The following LHFPL6 variants were observed in gnomAD, a reference collection of about 807,000 sequenced individuals.
LHFPL6 encodes the protein LHFPL tetraspan subfamily member 6 protein.
In LHFPL6, 9 loss-of-function variants were observed where a neutral mutation model predicts 20.6. The ratio of observed to expected loss-of-function variants is 0.44; its 90% CI spans 0.26 to 0.76. The LOEUF is 0.76. Ranked by LOEUF, LHFPL6 falls within the 30% of genes least tolerant of loss-of-function variation. The pLI, the probability that LHFPL6 is intolerant of heterozygous loss-of-function variation, is 0.20. For missense variants in LHFPL6, 218 were observed against 253.5 expected, an observed-to-expected ratio of 0.86 and a Z score of 0.95; for synonymous variants, 105 against 98.7, an observed-to-expected ratio of 1.06 and a Z score of -0.38.
intron 2 of LHFPL6, among the ~76,000 whole-genome samples, chr13:39,399,892 G>A (rs868136312): frequency 1.3e-5 from 2 of 152,100 alleles, no homozygotes; most frequent in African/African-American, 2.4e-5. Flanking sequence ...TTGGGAGTTC[G>A]AGGCCAGCCT....
chr13:39,422,336 C>G (rs959767007), intron 2 of LHFPL6, among the ~76,000 whole-genome samples: 1 of 152,110 alleles, frequency 6.6e-6, no homozygotes, highest in Non-Finnish European at 1.5e-5. Flanking sequence ...CAGTGGCTCA[C>G]GCCTGTAATC....
intron 2 of LHFPL6, among the ~76,000 whole-genome samples, chr13:39,479,334 A>T (rs553744758): frequency 6.6e-6 from 1 of 152,264 alleles, no homozygotes; most frequent in African/African-American, 2.4e-5. Flanking sequence ...GGAAAACTCT[A>T]GGCAGAAGTT....
chr13:39,479,770 G>A (rs1371585067), intron 2 of LHFPL6, among the ~76,000 whole-genome samples: 3 of 152,174 alleles, frequency 2.0e-5, no homozygotes, highest in African/African-American at 7.2e-5. Flanking sequence ...TATATAGTCT[G>A]CATACTAATA....
At chr13:39,572,869 C>T (rs1280890322) in intron 2 of LHFPL6, among the ~76,000 whole-genome samples, 1 of 152,152 alleles carries the variant, frequency 6.6e-6, no homozygotes, top group East Asian at 1.9e-4. Context: ...GCTTCTCCTC[C>T]AAGTCAGCCA....
At chr13:39,517,450 A>G (rs1869962203) in intron 2 of LHFPL6, among the ~76,000 whole-genome samples, 1 of 152,180 alleles carries the variant, frequency 6.6e-6, no homozygotes, top group South Asian at 2.1e-4. Flanking sequence ...TTCTTATCCC[A>G]ATTCTTAAAT....
At chr13:39,493,119 T>C (rs945015624) in intron 2 of LHFPL6, among the ~76,000 whole-genome samples, 31 of 152,062 alleles carry the variant, frequency 2.0e-4, no homozygotes, top group African/African-American at 7.0e-4. Context: ...TGATTTATAT[T>C]AAGAAACTTA....
intron 2 of LHFPL6, among the ~76,000 whole-genome samples, chr13:39,500,277 T>C: frequency 6.6e-6 from 1 of 152,108 alleles, no homozygotes; most frequent in African/African-American, 2.4e-5. Context: ...CAATCACAGC[T>C]CACTGCAGCC....
intron 2 of LHFPL6, among the ~76,000 whole-genome samples, chr13:39,448,833 T>G (rs530365382): frequency 1.1e-3 from 160 of 152,356 alleles, no homozygotes; most frequent in African/African-American, 3.7e-3. Context: ...ATGTGCTTAT[T>G]TCAGGACAAA....
intron 2 of LHFPL6, among the ~76,000 whole-genome samples, chr13:39,475,428 C>CTT (rs199666257): frequency 7.8e-4 from 114 of 146,704 alleles, no homozygotes; most frequent in African/African-American, 2.6e-3. Flanking sequence ...ACTGCTCCAT[C>CTT]TTTTTTTTTT....
At chr13:39,423,033 G>A (rs1185407) in intron 2 of LHFPL6, among the ~76,000 whole-genome samples, 140,260 of 152,244 alleles carry the variant, frequency 0.92, 65,743 homozygotes, top group East Asian at 1. Context: ...ACAGCCCCAT[G>A]TTTAAATTAT....
chr13:39,370,688 C>T (rs74768440), intron 3 of LHFPL6, among the ~76,000 whole-genome samples: 6,189 of 152,280 alleles, frequency 0.041, 214 homozygotes, highest in African/African-American at 0.092. Context: ...TGGCACACAA[C>T]GCAGATGCCT....
intron 2 of LHFPL6, among the ~76,000 whole-genome samples, chr13:39,592,924 C>G (rs868616377): frequency 3.3e-5 from 5 of 152,176 alleles, no homozygotes; most frequent in African/African-American, 7.2e-5. Flanking sequence ...ATTCAACAAC[C>G]CTTCATGCTA....
chr13:39,560,640 G>A (rs1188052335), intron 2 of LHFPL6, among the ~76,000 whole-genome samples: 3 of 149,464 alleles, frequency 2.0e-5, no homozygotes, highest in African/African-American at 4.9e-5. Context: ...TCAGCCTCCC[G>A]TGTAGCTGGA....
intron 2 of LHFPL6, among the ~76,000 whole-genome samples, chr13:39,469,300 G>A (rs1477427806): frequency 6.6e-6 from 1 of 152,200 alleles, no homozygotes; most frequent in Non-Finnish European, 1.5e-5. Context: ...TGGCCATTCA[G>A]TTCATAGCTC....
chr13:39,522,474 G>T lies in LHFPL6; in HGVS notation c.385+78358C>A, dbSNP rs150122835. ...GTACTGCACTCTCCAAAGCATCCAT[G>T]CTGTGGTGATAGCCAATAACTTACT... On this transcript the variant is annotated intron_variant, in intron 2 of 3. Transcript: ENST00000379589. Among the ~76,000 whole-genome samples, 51 of 152,278 alleles carry T rather than the reference G, an allele frequency of 3.3e-4. No individual in the cohort carries two copies. The East Asian group carries it at 9.8e-3, about 29-fold the overall frequency.
intron 2 of LHFPL6, among the ~76,000 whole-genome samples, chr13:39,478,404 C>G (rs1873136870): frequency 1.3e-5 from 2 of 152,072 alleles, no homozygotes; most frequent in South Asian, 4.2e-4. Context: ...TAGACATGAG[C>G]ACACAAACAT....
chr13:39,417,665 G>A (rs1170519359), intron 2 of LHFPL6, among the ~76,000 whole-genome samples: 3 of 151,890 alleles, frequency 2.0e-5, no homozygotes, highest in Admixed American at 6.6e-5. Flanking sequence ...TCCCCTCCCC[G>A]CTTCTTTTTA....
chr13:39,518,344 T>C (rs564751284), intron 2 of LHFPL6, among the ~76,000 whole-genome samples: 33 of 152,244 alleles, frequency 2.2e-4, no homozygotes, highest in African/African-American at 6.3e-4. Context: ...TCTGGGAAAA[T>C]ATAAGAGGTC....
intron 2 of LHFPL6, among the ~76,000 whole-genome samples, chr13:39,568,330 C>A (rs1453464188): frequency 2.0e-5 from 3 of 151,788 alleles, no homozygotes; most frequent in African/African-American, 7.3e-5. Flanking sequence ...GAAAAACACC[C>A]TTTTGTGGTA....
Sources: gnomAD v4.1 joint callset for allele counts (sites outside exome capture counted in the v4.1 genomes callset) on GRCh38, gnomAD v4.1.1 for gene constraint, MANE v1.5 for transcripts, NCBI Gene and HGNC (gene_info 2026-07-23, HGNC 2026-07-21) for gene names.